The following PIBF1 variants were observed in gnomAD, a reference collection of about 807,000 sequenced individuals.
The protein encoded by PIBF1 is progesterone immunomodulatory binding factor 1.
PIBF1 carries 90 observed loss-of-function variants against 112.5 expected under a neutral mutation model. The observed-to-expected ratio is 0.80, with a 90% CI of 0.67 to 0.95. The LOEUF (loss-of-function observed/expected upper bound fraction) is 0.95. Among genes scored for constraint, PIBF1 ranks in the 40% least tolerant of loss-of-function variants. The pLI, the probability that PIBF1 is intolerant of heterozygous loss-of-function variation, is 0.00. For synonymous variants in PIBF1, 301 were observed against 288.6 expected, an observed-to-expected ratio of 1.04 and a Z score of -0.44; for missense variants, 915 against 852.3, an observed-to-expected ratio of 1.07 and a Z score of -0.92.
At chr13:72,868,078 T>C (rs2038999578) in intron 10 of PIBF1, among the ~76,000 whole-genome samples, 1 of 152,044 alleles carries the variant, frequency 6.6e-6, no homozygotes, top group Non-Finnish European at 1.5e-5. Context: ...GGCAGGAGGA[T>C]TACTGGAGGC....
rs939930456 is a variant in PIBF1 at position 73,010,146 on chromosome 13, G to T, written c.2224-5723G>T. Among the ~76,000 whole-genome samples the T allele has an allele frequency of 6.0e-5, 9 of 150,692 alleles. No individual in the cohort carries two copies. The South Asian group carries it at 1.9e-3, about 31-fold the overall frequency. On this transcript the variant is annotated intron_variant, in intron 17 of 17. Coordinates refer to ENST00000326291, the MANE Select transcript of PIBF1 (RefSeq NM_006346.4). Reference sequence around the variant, plus strand: ...AGTCACAGTTGAGAAAACAATTTACGTTATGACCTAGTAATGATCACACAG... The same window carrying T: ...AGTCACAGTTGAGAAAACAATTTACTTTATGACCTAGTAATGATCACACAG...
intron 17 of PIBF1, among the ~76,000 whole-genome samples, chr13:73,006,143 T>C (rs1431303233): frequency 1.3e-5 from 2 of 152,066 alleles, no homozygotes; most frequent in African/African-American, 4.8e-5. Flanking sequence ...GGTCTCGAAC[T>C]CTTGACCTCA....
chr13:72,922,337 A>C (rs190629909), intron 13 of PIBF1, among the ~76,000 whole-genome samples: 244 of 152,276 alleles, frequency 1.6e-3, no homozygotes, highest in African/African-American at 5.7e-3. Context: ...TTATACAATT[A>C]AAGTAGATTA....
At chr13:72,787,433 C>G (rs2034659381) in intron 2 of PIBF1, among the ~76,000 whole-genome samples, 1 of 152,060 alleles carries the variant, frequency 6.6e-6, no homozygotes, top group African/African-American at 2.4e-5. Flanking sequence ...ATATTGGACT[C>G]CTGGTGTTAG....
chr13:72,987,865 T>TA (rs1566522324), intron 16 of PIBF1, among the ~76,000 whole-genome samples: 23 of 99,806 alleles, frequency 2.3e-4, no homozygotes, highest in Admixed American at 7.8e-4. Flanking sequence ...TTTATTTTTT[T>TA]TTTTTTTTTT....
intron 6 of PIBF1, among the ~76,000 whole-genome samples, chr13:72,824,409 AAATATTGGC>A (rs1168137335): frequency 1.3e-5 from 2 of 152,206 alleles, no homozygotes; most frequent in Non-Finnish European, 2.9e-5. Flanking sequence ...ATATCACAAT[AAATATTGGC>A]AATAATGAAT....
intron 11 of PIBF1, among the ~76,000 whole-genome samples, chr13:72,908,318 A>T (rs1348670746): frequency 6.6e-6 from 1 of 152,184 alleles, no homozygotes; most frequent in Non-Finnish European, 1.5e-5. Flanking sequence ...TAAAATAAGG[A>T]TAAGGTACTT....
chr13:72,830,596 A>G (rs187721686), intron 8 of PIBF1, among the ~76,000 whole-genome samples: 1 of 152,256 alleles, frequency 6.6e-6, no homozygotes, highest in East Asian at 1.9e-4. Flanking sequence ...GTATGTGTTG[A>G]ACCAGCCTTG....
At chr13:72,997,575 TACTC>T (rs1468485863) in intron 16 of PIBF1, among the ~76,000 whole-genome samples, 1 of 152,182 alleles carries the variant, frequency 6.6e-6, no homozygotes, top group African/African-American at 2.4e-5. Context: ...TGCTTTAAAA[TACTC>T]ACTCAAGTTA....
Position 72,795,491 on chromosome 13 carries a change from A to G in PIBF1, c.486A>G (p.Thr162=). ...GAAACCTGCGTGACTTTGAGTTGACAGAAGAGCAATATATTAAATTAAAAG... is the reference window on the plus strand; with the variant it reads ...GAAACCTGCGTGACTTTGAGTTGACGGAAGAGCAATATATTAAATTAAAAG... ...VRRNLRDFEL[T]EEQYIKLKAF... The change falls in exon 4 of 18, where the codon ACA becomes ACG. Residue 162 remains threonine (T), a synonymous_variant. Transcript: ENST00000326291. 6.2e-7 allele frequency: 1 copy of G among 1,609,686 alleles called. No individual in the cohort carries two copies. The highest frequency in any genetic ancestry group is 1.1e-5 in the South Asian group (1 of 89,776).
At chr13:72,955,261 G>A (rs902503733) in intron 14 of PIBF1, among the ~76,000 whole-genome samples, 2 of 151,986 alleles carry the variant, frequency 1.3e-5, no homozygotes, top group Non-Finnish European at 2.9e-5. Context: ...TCTTGGTTAT[G>A]GTTCATTCTG....
chr13:72,812,001 G>A (rs2036046637), intron 5 of PIBF1, among the ~76,000 whole-genome samples: 1 of 152,034 alleles, frequency 6.6e-6, no homozygotes, highest in Non-Finnish European at 1.5e-5. Flanking sequence ...GCTACTGTGT[G>A]TATAATCTTT....
At chr13:72,869,623 A>T (rs1162741840) in intron 10 of PIBF1, among the ~76,000 whole-genome samples, 3 of 147,720 alleles carry the variant, frequency 2.0e-5, no homozygotes, top group Non-Finnish European at 4.4e-5. Flanking sequence ...TAATAATAAT[A>T]ATAAAAAATA....
intron 10 of PIBF1, among the ~76,000 whole-genome samples, chr13:72,890,497 T>C (rs931583893): frequency 6.6e-6 from 1 of 152,138 alleles, no homozygotes; most frequent in Non-Finnish European, 1.5e-5. Flanking sequence ...TTGGGTCTTA[T>C]GAAAACTAAA....
chr13:72,828,522 C>T (rs528252265), intron 8 of PIBF1, among the ~76,000 whole-genome samples: 4 of 152,092 alleles, frequency 2.6e-5, no homozygotes, highest in African/African-American at 9.6e-5. Flanking sequence ...TGAGAACATA[C>T]GGTGTTTGGT....
rs78558653 is a variant in PIBF1 at position 72,961,089 on chromosome 13, A to G, written c.1834-4185A>G. On this transcript the variant is annotated intron_variant, in intron 14 of 17. Coordinates refer to ENST00000326291, the MANE Select transcript of PIBF1 (RefSeq NM_006346.4). ...TTTTTTTTCCTGGGCTGTAGTTAAT[A>G]TAACTATCAGAAAATTTCCTGTACA... 9.9e-3 allele frequency among the ~76,000 whole-genome samples: 1,424 copies of G among 144,072 alleles called. 13 individuals are homozygous for G. The highest frequency in any genetic ancestry group is 0.015 in the Non-Finnish European group (1,030 of 66,818). The allele number at this position is 144,072 out of a possible 152,430, so 94.5% of individuals were successfully genotyped here.
chr13:72,862,414 G>A (rs1363885970), intron 10 of PIBF1, among the ~76,000 whole-genome samples: 1 of 152,154 alleles, frequency 6.6e-6, no homozygotes, highest in Non-Finnish European at 1.5e-5. Context: ...GACCAGCCTA[G>A]GTGACATAGT....
At chr13:72,940,094 A>T (rs1315937924) in intron 14 of PIBF1, among the ~76,000 whole-genome samples, 1 of 152,168 alleles carries the variant, frequency 6.6e-6, no homozygotes, top group Non-Finnish European at 1.5e-5. Context: ...TAAATTTCTT[A>T]AATTTTTAAA....
At chr13:73,008,819 G>A (rs1008894760) in intron 17 of PIBF1, among the ~76,000 whole-genome samples, 2 of 152,186 alleles carry the variant, frequency 1.3e-5, no homozygotes, top group African/African-American at 2.4e-5. Flanking sequence ...GCATGACATC[G>A]AACACCTACT....
Sources: allele counts gnomAD v4.1 joint callset (sites outside exome capture counted in the v4.1 genomes callset), GRCh38; gene constraint gnomAD v4.1.1; transcripts MANE v1.5; gene names NCBI Gene and HGNC (gene_info 2026-07-23, HGNC 2026-07-21).